TCF7L2: variants seen among roughly 807,000 people sequenced by gnomAD.
The protein encoded by TCF7L2 is transcription factor 7 like 2.
Under a neutral mutation model 77.9 loss-of-function variants are expected in TCF7L2, and 23 were observed. The observed-to-expected ratio is 0.30, with a 90% CI of 0.21 to 0.42. TCF7L2 has a LOEUF of 0.42. Ranked by LOEUF, TCF7L2 falls within the 10% of genes least tolerant of loss-of-function variation. The probability of loss-of-function intolerance (pLI) is 1.00; values close to 1 mark genes in which losing one functional copy is unlikely to be tolerated. For synonymous variants in TCF7L2, 413 were observed against 340.2 expected (o/e 1.21, Z -2.36); for missense variants, 654 against 793.1 (o/e 0.82, Z 2.11).
chr10:113,025,405 AT>A (rs1264427311), intron 4 of TCF7L2, among the ~76,000 whole-genome samples: 1 of 151,880 alleles, frequency 6.6e-6, no homozygotes, highest in Non-Finnish European at 1.5e-5. Flanking sequence ...CTTCTGGCTA[AT>A]TTTTGTAGTT....
chr10:113,043,178 C>T (rs761747870), intron 5 of TCF7L2, among the ~76,000 whole-genome samples: 31 of 152,174 alleles, frequency 2.0e-4, no homozygotes, highest in South Asian at 4.1e-4. Context: ...ATTAATCATT[C>T]GAAACTACAA....
intron 5 of TCF7L2, among the ~76,000 whole-genome samples, chr10:113,069,729 G>A (rs2057712366): frequency 6.6e-6 from 1 of 152,120 alleles, no homozygotes; most frequent in Admixed American, 6.5e-5. Flanking sequence ...TTCATTGAGG[G>A]CCCCTCGCTG....
At chr10:112,956,092 G>C (rs1403982361) in intron 3 of TCF7L2, among the ~76,000 whole-genome samples, 3 of 151,918 alleles carry the variant, frequency 2.0e-5, no homozygotes, top group African/African-American at 7.3e-5. Context: ...TTCACAACAG[G>C]CCCCCCTGAA....
intron 5 of TCF7L2, among the ~76,000 whole-genome samples, chr10:113,101,187 T>TA (rs979674940): frequency 5.1e-4 from 78 of 152,324 alleles, no homozygotes; most frequent in African/African-American, 1.8e-3. Context: ...AGCATTTTGT[T>TA]ATTCCCTCTT....
chr10:113,011,070 G>T (rs2046371984), intron 4 of TCF7L2, among the ~76,000 whole-genome samples: 1 of 152,328 alleles, frequency 6.6e-6, no homozygotes, highest in South Asian at 2.1e-4. Flanking sequence ...GTATCTGCCT[G>T]CAGAGTTGGT....
At chr10:113,122,283 A>G (rs561659771) in intron 5 of TCF7L2, among the ~76,000 whole-genome samples, 2 of 152,216 alleles carry the variant, frequency 1.3e-5, no homozygotes, top group Non-Finnish European at 2.9e-5. Context: ...TTATCTTTCT[A>G]TTTAGACAGA....
chr10:113,141,660 A>G (rs1441351283), intron 6 of TCF7L2, among the ~76,000 whole-genome samples: 2 of 152,186 alleles, frequency 1.3e-5, no homozygotes, highest in Non-Finnish European at 2.9e-5. Context: ...TCAGGCAGAC[A>G]TGGATGCAGG....
chr10:113,015,446 C>CTTTTTT (rs67005436), intron 4 of TCF7L2, among the ~76,000 whole-genome samples: 2 of 103,234 alleles, frequency 1.9e-5, no homozygotes, highest in African/African-American at 4.6e-5. Context: ...GCCTGATGAG[C>CTTTTTT]TTTTTTTTTT....
chr10:113,003,398 C>G (rs947442680), intron 4 of TCF7L2, among the ~76,000 whole-genome samples: 1 of 152,130 alleles, frequency 6.6e-6, no homozygotes, highest in Admixed American at 6.5e-5. Context: ...TGCTTTGTAG[C>G]GAGCTGTCCC....
intron 5 of TCF7L2, among the ~76,000 whole-genome samples, chr10:113,073,099 CGTGTGT>C (rs71489997): frequency 3.0e-4 from 31 of 103,994 alleles, no homozygotes; most frequent in Non-Finnish European, 3.4e-4. Flanking sequence ...AGGGCCAGGT[CGTGTGT>C]GTGTGTGTGT....
chr10:113,075,616 G>C (rs1253680375), intron 5 of TCF7L2, among the ~76,000 whole-genome samples: 1 of 152,104 alleles, frequency 6.6e-6, no homozygotes, highest in East Asian at 1.9e-4. Flanking sequence ...AAAGATTAAA[G>C]CTGCACAGAC....
rs760179203 is a variant in TCF7L2 at position 113,040,091 on chromosome 10, A to G, written c.517A>G (p.Lys173Glu). Residue 173 changes from lysine (K) to glutamate (E), a missense_variant, in exon 5 of 14, where the codon AAG becomes GAG. Lys to Glu is a moderately conservative substitution (Grantham distance 56). Around this residue, in one of 6 missense-constraint regions of TCF7L2, gnomAD observed 179 missense variants for 270.6 expected, o/e 0.66. Coordinates refer to ENST00000627217, the MANE Select transcript of TCF7L2 (RefSeq NM_001146274.2). ...GAGCCTCCAGAGTAGACAAGCCCTCAAGGATGCCCGGTCCCCATCACCGGC... is the reference window on the plus strand; with the variant it reads ...GAGCCTCCAGAGTAGACAAGCCCTCGAGGATGCCCGGTCCCCATCACCGGC... 6.2e-7 allele frequency: 1 copy of G among 1,613,994 alleles called. No individual in the cohort carries two copies. The highest frequency in any genetic ancestry group is 8.5e-7 in the Non-Finnish European group (1 of 1,179,928).
chr10:113,109,957 C>G (rs2062909066), intron 5 of TCF7L2, among the ~76,000 whole-genome samples: 1 of 152,140 alleles, frequency 6.6e-6, no homozygotes, highest in Non-Finnish European at 1.5e-5. Flanking sequence ...TAAAAAGTGA[C>G]TTGTTTGAAG....
chr10:113,144,592 A>G (rs1277097284), intron 7 of TCF7L2, among the ~76,000 whole-genome samples: 3 of 152,172 alleles, frequency 2.0e-5, no homozygotes, highest in African/African-American at 7.2e-5. Flanking sequence ...ACAACAGTGG[A>G]AAGTTTTGTC....
At chr10:113,147,298 A>G (rs192537094) in intron 8 of TCF7L2, among the ~76,000 whole-genome samples, 10 of 152,318 alleles carry the variant, frequency 6.6e-5, no homozygotes, top group Admixed American at 4.6e-4. Flanking sequence ...CCAAGACCAG[A>G]GAAGGGCCTG....
At chr10:113,136,233 G>A (rs761928449) in intron 5 of TCF7L2, among the ~76,000 whole-genome samples, 82 of 152,304 alleles carry the variant, frequency 5.4e-4, no homozygotes, top group Non-Finnish European at 1.0e-3. Flanking sequence ...CAGACACAGA[G>A]CCCAAGGCAC....
intron 4 of TCF7L2, among the ~76,000 whole-genome samples, chr10:113,020,765 G>T (rs1564792516): frequency 1.3e-5 from 2 of 152,138 alleles, no homozygotes; most frequent in African/African-American, 4.8e-5. Flanking sequence ...GGAGGTAGAG[G>T]GGGTGTGAGG....
At position 113,146,072 on chromosome 10, in the gene TCF7L2, C is replaced by G. The variant is rs1372732595; in HGVS notation, c.850C>G (p.Leu284Val). The G allele has an allele frequency of 6.2e-7, 1 of 1,613,330 alleles. No homozygotes were observed. The highest frequency in any genetic ancestry group is 1.1e-5 in the South Asian group (1 of 91,028). Residue 284 changes from leucine to valine, a missense_variant, in exon 8 of 14, where the codon CTG (leucine) becomes GTG (valine). By Grantham distance (32) the Leu-to-Val change is conservative. Coordinates refer to ENST00000627217, the MANE Select transcript of TCF7L2 (RefSeq NM_001146274.2). ...ATTCAGACACCCCTACCCCACAGCTCTGACCGTCAATGCTTCCATGTCCAG... is the reference window on the plus strand; with the variant it reads ...ATTCAGACACCCCTACCCCACAGCTGTGACCGTCAATGCTTCCATGTCCAG...
chr10:112,969,434 A>G (rs2037743497), intron 4 of TCF7L2, among the ~76,000 whole-genome samples: 1 of 152,232 alleles, frequency 6.6e-6, no homozygotes, highest in Admixed American at 6.5e-5. Flanking sequence ...TTATGAATAA[A>G]GTTCTAGTAA....
Sources: gnomAD v4.1 joint callset for allele counts (sites outside exome capture counted in the v4.1 genomes callset) on GRCh38, gnomAD v4.1.1 for gene constraint, gnomAD v4.1.1 regional missense constraint, MANE v1.5 for transcripts, NCBI Gene and HGNC (gene_info 2026-07-23, HGNC 2026-07-21) for gene names.